DLGAP2: variants seen among roughly 807,000 people sequenced by gnomAD.
DLGAP2 encodes DLG associated protein 2, also known as disks large-associated protein 2.
Under a neutral mutation model 100.3 loss-of-function variants are expected in DLGAP2, and 26 were observed. The observed-to-expected ratio is 0.26, with a 90% CI of 0.19 to 0.36. The LOEUF (loss-of-function observed/expected upper bound fraction) is 0.36, where lower values mean the gene tolerates loss of function less well. Ranked by LOEUF, DLGAP2 falls within the 10% of genes least tolerant of loss-of-function variation. DLGAP2 has a pLI of 1.00. For missense variants in DLGAP2, 1,858 were observed against 1,453.2 expected (o/e 1.28, Z -4.53); for synonymous variants, 886 against 630.1 (o/e 1.41, Z -6.08).
chr8:1,086,912 TAATA>T (rs907839975), intron 2 of DLGAP2, among the ~76,000 whole-genome samples: 13 of 152,300 alleles, frequency 8.5e-5, no homozygotes, highest in African/African-American at 3.1e-4. Context: ...CAAATGGACC[TAATA>T]AATACAGAAC....
intron 1 of DLGAP2, among the ~76,000 whole-genome samples, chr8:836,760 C>T (rs143799091): frequency 6.6e-5 from 10 of 152,188 alleles, no homozygotes; most frequent in African/African-American, 2.4e-4. Context: ...TTCATGTGAA[C>T]ACCACGTTAA....
intron 2 of DLGAP2, among the ~76,000 whole-genome samples, chr8:921,859 C>G (rs371371059): frequency 8.0e-4 from 122 of 152,386 alleles, no homozygotes; most frequent in African/African-American, 2.8e-3. Context: ...GGTCTCTGCT[C>G]TCCTCTGAGA....
chr8:1,242,961 C>T (rs1368965905), intron 2 of DLGAP2, among the ~76,000 whole-genome samples: 2 of 152,134 alleles, frequency 1.3e-5, no homozygotes, highest in Non-Finnish European at 2.9e-5. Flanking sequence ...ATGGACAGAA[C>T]TTTCTCTGAT....
rs546901968 is a variant in DLGAP2 at position 1,351,567 on chromosome 8, G to T, written c.106+92684G>T. 4.0e-3 allele frequency among the ~76,000 whole-genome samples: 321 copies of T among 80,488 alleles called. 20 individuals carry two copies. Among genetic ancestry groups the T allele is most frequent in the African/African-American group, 0.012 (305 of 26,296 alleles). The allele number at this position is 80,488 out of a possible 152,430, so 52.8% of individuals were successfully genotyped here. A position where few individuals can be genotyped will look rare whatever the true frequency, so the allele number is the denominator to read the frequency against. On this transcript the variant is annotated intron_variant, in intron 3 of 14. Coordinates refer to ENST00000637795, the MANE Select transcript of DLGAP2 (RefSeq NM_001346810.2). The stretch of plus-strand genomic sequence containing the variant: ...GACTGTGTGTGGAAAGGACGTGCGG[G>T]TCCTGACTGTGTGTGGAAAGGACGT...
chr8:1,688,249 C>T (rs559764199), intron 12 of DLGAP2: 1 of 152,418 alleles, frequency 6.6e-6, no homozygotes, highest in East Asian at 1.9e-4. Context: ...TTCTCTGTTC[C>T]CAGGCTGGCT....
intron 1 of DLGAP2, among the ~76,000 whole-genome samples, chr8:891,824 A>G (rs1201822593): frequency 1.3e-5 from 2 of 152,166 alleles, no homozygotes; most frequent in Non-Finnish European, 2.9e-5. Context: ...TGGGGATACA[A>G]AGCCTGCATC....
chr8:1,421,097 G>A (rs1797076302), intron 3 of DLGAP2, among the ~76,000 whole-genome samples: 1 of 152,156 alleles, frequency 6.6e-6, no homozygotes, highest in African/African-American at 2.4e-5. Context: ...GTCACTAGTA[G>A]AAAATAGTAA....
chr8:1,293,777 C>A (rs933152316), intron 3 of DLGAP2, among the ~76,000 whole-genome samples: 1 of 152,158 alleles, frequency 6.6e-6, no homozygotes, highest in Non-Finnish European at 1.5e-5. Flanking sequence ...ATCCCAGAGT[C>A]TCCTTCTTCA....
intron 3 of DLGAP2, among the ~76,000 whole-genome samples, chr8:1,350,265 T>C (rs1801682493): frequency 4.1e-5 from 4 of 96,622 alleles, no homozygotes; most frequent in African/African-American, 1.4e-4. Context: ...TGAGCATGTG[T>C]GGAACGGCCG....
chr8:1,156,582 C>A (rs1365700384), intron 2 of DLGAP2, among the ~76,000 whole-genome samples: 1 of 133,000 alleles, frequency 7.5e-6, no homozygotes, highest in South Asian at 2.4e-4. Flanking sequence ...CCTGCTCAGC[C>A]CCCCAGCCCA....
At chr8:1,294,201 C>A (rs1800120724) in intron 3 of DLGAP2, among the ~76,000 whole-genome samples, 1 of 152,202 alleles carries the variant, frequency 6.6e-6, no homozygotes, top group African/African-American at 2.4e-5. Context: ...CATCCCCTCC[C>A]ACCTCTCCCC....
chr8:1,076,371 C>T (rs978328327), intron 2 of DLGAP2, among the ~76,000 whole-genome samples: 8 of 152,258 alleles, frequency 5.3e-5, no homozygotes, highest in Non-Finnish European at 2.9e-5. Flanking sequence ...TGAGTCGCAG[C>T]TCCCCGTCTC....
At chr8:1,372,701 C>G (rs1228450084) in intron 3 of DLGAP2, among the ~76,000 whole-genome samples, 2 of 152,146 alleles carry the variant, frequency 1.3e-5, no homozygotes, top group East Asian at 1.9e-4. Context: ...ACGGCGTGGG[C>G]TAGAGGAAGA....
intron 3 of DLGAP2, among the ~76,000 whole-genome samples, chr8:1,351,820 G>C (rs1419870444): frequency 1.2e-5 from 1 of 82,214 alleles, no homozygotes. Context: ...CCTGCGTGTG[G>C]CGTGGAAAGG....
chr8:1,443,148 A>G (rs1797886331), intron 3 of DLGAP2, among the ~76,000 whole-genome samples: 1 of 152,246 alleles, frequency 6.6e-6, no homozygotes. Context: ...TATGAAAGTC[A>G]TAATCATTAC....
intron 2 of DLGAP2, among the ~76,000 whole-genome samples, chr8:1,045,340 C>T (rs1051326239): frequency 2.6e-5 from 4 of 152,194 alleles, no homozygotes; most frequent in Non-Finnish European, 4.4e-5. Context: ...ATACTCAACA[C>T]CCCTTACTTT....
At chr8:1,639,799 G>A (rs763192189) in intron 8 of DLGAP2, among the ~76,000 whole-genome samples, 2 of 152,154 alleles carry the variant, frequency 1.3e-5, no homozygotes, top group Non-Finnish European at 2.9e-5. Context: ...CTTGGCTGCG[G>A]GCCACATGGC....
chr8:770,645 G>T (rs1008567978), intron 1 of DLGAP2, among the ~76,000 whole-genome samples: 1 of 152,120 alleles, frequency 6.6e-6, no homozygotes, highest in Non-Finnish European at 1.5e-5. Flanking sequence ...GGAAGATTCG[G>T]TGGCGTCTCT....
intron 3 of DLGAP2, among the ~76,000 whole-genome samples, chr8:1,377,452 G>C (rs1563115068): frequency 6.6e-6 from 1 of 152,252 alleles, no homozygotes; most frequent in Non-Finnish European, 1.5e-5. Flanking sequence ...GCTGAGACAG[G>C]ATAATGGTGT....
Sources: allele counts gnomAD v4.1 joint callset (sites outside exome capture counted in the v4.1 genomes callset), GRCh38; gene constraint gnomAD v4.1.1; transcripts MANE v1.5; gene names NCBI Gene and HGNC (gene_info 2026-07-23, HGNC 2026-07-21).